The following PDLIM5 variants were observed in gnomAD, a reference collection of about 807,000 sequenced individuals.
PDLIM5 encodes the protein PDZ and LIM domain 5, also known as PDZ and LIM domain protein 5.
PDLIM5 carries 34 observed loss-of-function variants against 64.2 expected under a neutral mutation model. The ratio of observed to expected loss-of-function variants is 0.53; its 90% confidence interval spans 0.40 to 0.71. The LOEUF is 0.71. Ranked by LOEUF, PDLIM5 falls within the 30% of genes least tolerant of loss-of-function variation. The probability of loss-of-function intolerance (pLI) is 0.00; values close to 1 mark genes in which losing one functional copy is unlikely to be tolerated. For missense variants in PDLIM5, 683 were observed against 733.6 expected, an observed-to-expected ratio of 0.93 and a Z score of 0.80; for synonymous variants, 253 against 269.1, an observed-to-expected ratio of 0.94 and a Z score of 0.59.
intron 2 of PDLIM5, among the ~76,000 whole-genome samples, chr4:94,470,606 T>TAA (rs1370952229): frequency 1.3e-5 from 2 of 152,174 alleles, no homozygotes; most frequent in Non-Finnish European, 2.9e-5. Flanking sequence ...AGGGTGTGTA[T>TAA]AAGTTTTAAT....
chr4:94,480,272 A>G (rs1337396554), intron 2 of PDLIM5, among the ~76,000 whole-genome samples: 7 of 150,684 alleles, frequency 4.6e-5, no homozygotes, highest in Admixed American at 2.6e-4. Flanking sequence ...TGTGTCTTCT[A>G]TTGAAACTTA....
chr4:94,607,702 C>G (rs1738038245), intron 7 of PDLIM5, among the ~76,000 whole-genome samples: 1 of 152,128 alleles, frequency 6.6e-6, no homozygotes, highest in South Asian at 2.1e-4. Context: ...CTGGCCCTTA[C>G]TAGATGTATG....
At chr4:94,594,654 T>G (rs1183032179) in intron 7 of PDLIM5, among the ~76,000 whole-genome samples, 1 of 152,062 alleles carries the variant, frequency 6.6e-6, no homozygotes, top group South Asian at 2.1e-4. Context: ...TATATTTAAG[T>G]TAAAAAATGT....
intron 2 of PDLIM5, among the ~76,000 whole-genome samples, chr4:94,508,494 A>G (rs557651730): frequency 3.3e-5 from 5 of 152,304 alleles, no homozygotes; most frequent in Non-Finnish European, 5.9e-5. Context: ...CTACAGCTGT[A>G]TAAAGGAGTC....
Position 94,664,232 on chromosome 4 carries a change from T to G in PDLIM5, c.*165T>G. ...AACCAAGTCTGAGGAAATATTTGGC[T>G]TCATAAAGTAAAGAGACGGTTTGGC... On this transcript the variant is annotated 3_prime_UTR_variant, in exon 13 of 13. Coordinates refer to ENST00000317968, the MANE Select transcript of PDLIM5 (RefSeq NM_006457.5). 1 of 1,169,434 alleles carries G rather than the reference T, an allele frequency of 8.6e-7. No homozygotes were observed. Among genetic ancestry groups the G allele is most frequent in the Non-Finnish European group, 1.1e-6 (1 of 932,970 alleles). The allele number at this position is 1,169,434 out of a possible 1,614,324, so 72.4% of individuals were successfully genotyped here. A position where few individuals can be genotyped will look rare whatever the true frequency, so the allele number is the denominator to read the frequency against.
intron 3 of PDLIM5, among the ~76,000 whole-genome samples, chr4:94,539,655 T>C (rs1731608677): frequency 6.6e-6 from 1 of 152,182 alleles, no homozygotes; most frequent in African/African-American, 2.4e-5. Context: ...AAGTAGCAAC[T>C]GGAACAGAGA....
chr4:94,467,207 A>G (rs933864487), intron 2 of PDLIM5, among the ~76,000 whole-genome samples: 2 of 152,224 alleles, frequency 1.3e-5, no homozygotes, highest in Non-Finnish European at 2.9e-5. Flanking sequence ...AGTAACTATT[A>G]ATGATCACAG....
chr4:94,620,649 C>G (rs1739147828), intron 8 of PDLIM5, among the ~76,000 whole-genome samples: 1 of 151,984 alleles, frequency 6.6e-6, no homozygotes, highest in South Asian at 2.1e-4. Flanking sequence ...GTATTTTTCA[C>G]AGTGTTTAAA....
chr4:94,584,812 G>A (rs886615845), intron 5 of PDLIM5: 50 of 530,244 alleles, frequency 9.4e-5, no homozygotes, highest in Middle Eastern at 1.0e-3. Context: ...AATATTGTCC[G>A]CATCTGTGTT....
At chr4:94,596,619 G>C (rs1378046081) in intron 7 of PDLIM5, among the ~76,000 whole-genome samples, 1 of 151,788 alleles carries the variant, frequency 6.6e-6, no homozygotes, top group African/African-American at 2.4e-5. Context: ...ATCATGGAAG[G>C]CTTAATTTCT....
At chr4:94,558,858 C>A (rs1478236399) in intron 3 of PDLIM5, among the ~76,000 whole-genome samples, 2 of 151,704 alleles carry the variant, frequency 1.3e-5, no homozygotes, top group African/African-American at 4.8e-5. Context: ...TTAATCATAA[C>A]TAAGTTATGT....
chr4:94,464,643 T>C (rs1262277929), intron 2 of PDLIM5, among the ~76,000 whole-genome samples: 1 of 152,248 alleles, frequency 6.6e-6, no homozygotes, highest in Non-Finnish European at 1.5e-5. Context: ...GCTAGCTAGC[T>C]ATCGTGTTAC....
intron 3 of PDLIM5, among the ~76,000 whole-genome samples, chr4:94,569,743 T>G (rs914453922): frequency 6.6e-6 from 1 of 151,934 alleles, no homozygotes; most frequent in Non-Finnish European, 1.5e-5. Flanking sequence ...GCCTGGCACA[T>G]AGAATAAATT....
intron 1 of PDLIM5, among the ~76,000 whole-genome samples, chr4:94,454,373 A>G (rs2126069609): frequency 6.7e-6 from 1 of 148,706 alleles, no homozygotes; most frequent in Middle Eastern, 3.5e-3. Context: ...AAGTACTACT[A>G]GGAGAGTCAT....
chr4:94,494,663 C>T (rs1311748831), intron 2 of PDLIM5, among the ~76,000 whole-genome samples: 3 of 150,950 alleles, frequency 2.0e-5, no homozygotes, highest in African/African-American at 7.3e-5. Context: ...TGGTCTCAAA[C>T]TCCTGACCTC....
chr4:94,624,973 G>A (rs1324121681), intron 8 of PDLIM5, among the ~76,000 whole-genome samples: 2 of 152,222 alleles, frequency 1.3e-5, no homozygotes, highest in South Asian at 2.1e-4. Flanking sequence ...AGAGATTAAG[G>A]TTGGAGACCT....
intron 2 of PDLIM5, among the ~76,000 whole-genome samples, chr4:94,461,550 A>G (rs1468642351): frequency 6.6e-6 from 1 of 152,052 alleles, no homozygotes; most frequent in African/African-American, 2.4e-5. Context: ...TAATAAACTA[A>G]GAATGGACAA....
intron 2 of PDLIM5, among the ~76,000 whole-genome samples, chr4:94,470,590 T>C (rs867085381): frequency 2.0e-5 from 3 of 152,296 alleles, no homozygotes; most frequent in Admixed American, 6.5e-5. Flanking sequence ...TTATTATTTC[T>C]AGTGGAGGGT....
intron 3 of PDLIM5, among the ~76,000 whole-genome samples, chr4:94,554,936 A>G (rs932878525): frequency 6.6e-6 from 1 of 152,208 alleles, no homozygotes; most frequent in African/African-American, 2.4e-5. Context: ...GAGATATTCA[A>G]TACTTTTTTA....
Sources: gnomAD v4.1 joint callset for allele counts (sites outside exome capture counted in the v4.1 genomes callset) on GRCh38, gnomAD v4.1.1 for gene constraint, MANE v1.5 for transcripts, NCBI Gene and HGNC (gene_info 2026-07-23, HGNC 2026-07-21) for gene names.